LIPC: variants seen among roughly 807,000 people sequenced by gnomAD.
LIPC encodes the protein lipase C, hepatic type, also known as hepatic triacylglycerol lipase.
Under a neutral mutation model 50.7 loss-of-function variants are expected in LIPC, and 44 were observed. The observed-to-expected ratio is 0.87, with a 90% CI of 0.68 to 1.11. LIPC has a LOEUF of 1.11. Ranked by LOEUF, LIPC falls within the 50% of genes most tolerant of loss-of-function variation. The pLI, the probability that LIPC is intolerant of heterozygous loss-of-function variation, is 0.00. For missense variants in LIPC, 697 were observed against 648.2 expected (o/e 1.08, Z -0.82); for synonymous variants, 271 against 256.4 (o/e 1.06, Z -0.54).
At chr15:58,463,113 C>G (rs903292736) in intron 1 of LIPC, among the ~76,000 whole-genome samples, 1 of 152,224 alleles carries the variant, frequency 6.6e-6, no homozygotes, top group Non-Finnish European at 1.5e-5. Context: ...CAAGGGCCAG[C>G]TCCCCAGTGA....
At chr15:58,538,595 A>G in intron 2 of LIPC, 78 bp downstream of exon 2, 1 of 1,419,006 alleles carries the variant, frequency 7.0e-7, no homozygotes, top group Non-Finnish European at 1.0e-6. Flanking sequence ...CATGTTCATA[A>G]AAAGATAGGG....
intron 1 of LIPC, among the ~76,000 whole-genome samples, chr15:58,474,619 C>A (rs978876471): frequency 2.0e-5 from 3 of 152,098 alleles, no homozygotes; most frequent in Non-Finnish European, 2.9e-5. Flanking sequence ...GAAACAAGGT[C>A]TCCCCTACGT....
intron 1 of LIPC, among the ~76,000 whole-genome samples, chr15:58,457,893 C>A (rs1377325909): frequency 4.6e-5 from 7 of 152,200 alleles, no homozygotes; most frequent in Admixed American, 4.6e-4. Flanking sequence ...CTGATGCTGG[C>A]TCTGCAGGCA....
At chr15:58,497,564 C>G (rs1891816789) in intron 1 of LIPC, among the ~76,000 whole-genome samples, 1 of 151,986 alleles carries the variant, frequency 6.6e-6, no homozygotes, top group South Asian at 2.1e-4. Flanking sequence ...ATCTTCCTCC[C>G]TCCTGGAAGC....
At chr15:58,517,550 G>C (rs1321386382) in intron 1 of LIPC, among the ~76,000 whole-genome samples, 1 of 152,178 alleles carries the variant, frequency 6.6e-6, no homozygotes, top group African/African-American at 2.4e-5. Context: ...GAGAGCTGCA[G>C]GCTTAGAGAA....
intron 1 of LIPC, among the ~76,000 whole-genome samples, chr15:58,534,036 T>C (rs1474207133): frequency 1.3e-5 from 2 of 152,092 alleles, no homozygotes; most frequent in African/African-American, 2.4e-5. Context: ...GGTGACCCAG[T>C]AGAGAGGCAA....
At chr15:58,462,643 G>GC (rs1894393894) in intron 1 of LIPC, among the ~76,000 whole-genome samples, 1 of 152,156 alleles carries the variant, frequency 6.6e-6, no homozygotes, top group Admixed American at 6.5e-5. Context: ...AGGAACCAAA[G>GC]CCAGCACCTT....
intron 1 of LIPC, among the ~76,000 whole-genome samples, chr15:58,495,862 T>C (rs1268649287): frequency 6.6e-6 from 1 of 152,214 alleles, no homozygotes; most frequent in African/African-American, 2.4e-5. Flanking sequence ...ATGTTAAGCG[T>C]AGGGTCAAGC....
intron 1 of LIPC, among the ~76,000 whole-genome samples, chr15:58,507,946 T>A (rs1892207624): frequency 6.6e-6 from 1 of 152,102 alleles, no homozygotes; most frequent in Non-Finnish European, 1.5e-5. Context: ...ATGGACGAAG[T>A]CTGTTGGGAC....
Position 58,565,430 on chromosome 15 carries a change from G to C in LIPC, c.1388+1707G>C, listed in dbSNP as rs548624310. On this transcript the variant is annotated intron_variant, in intron 8 of 8. Transcript: ENST00000299022. ...CCACTGGGGCACACCCATGTGGTACGGAAGAAGAAATGAGGAGAGGGAGGG... is the reference window on the plus strand; with the variant it reads ...CCACTGGGGCACACCCATGTGGTACCGAAGAAGAAATGAGGAGAGGGAGGG... 4 of 1,430,412 alleles carry C rather than the reference G, an allele frequency of 2.8e-6. No individual in the cohort carries two copies. The Admixed American group carries it at 8.2e-5, about 29-fold the overall frequency. 88.6% of individuals were successfully genotyped at this position (1,430,412 alleles called of 1,614,324 possible).
intron 1 of LIPC, among the ~76,000 whole-genome samples, chr15:58,470,604 T>TC (rs1169825718): frequency 6.6e-6 from 1 of 151,376 alleles, no homozygotes; most frequent in African/African-American, 2.4e-5. Flanking sequence ...CTCCTTTTTT[T>TC]TTTTTTTTTG....
At chr15:58,447,249 A>T (rs1326147696) in intron 1 of LIPC, among the ~76,000 whole-genome samples, 1 of 151,432 alleles carries the variant, frequency 6.6e-6, no homozygotes, top group African/African-American at 2.4e-5. Context: ...CCAGAGACCC[A>T]GGTGACCTAG....
At chr15:58,471,994 G>C (rs993982998) in intron 1 of LIPC, among the ~76,000 whole-genome samples, 1 of 152,310 alleles carries the variant, frequency 6.6e-6, no homozygotes, top group South Asian at 2.1e-4. Context: ...ATCAGGCCAA[G>C]TGTGGTGGCT....
In LIPC at chr15:58,545,830, T is replaced by C; in HGVS notation, c.663T>C (p.His221=). Residue 221 remains histidine, a synonymous_variant, in exon 5 of 9, where the codon CAT becomes CAC. Coordinates refer to ENST00000299022, the MANE Select transcript of LIPC (RefSeq NM_000236.3). ...PDDANFVDAI[H]TFTREHMGLS... Reference sequence around the variant, plus strand: ...ATGCCAATTTTGTGGATGCCATTCATACCTTTACCCGGGAGCACATGGGCC... The same window carrying C: ...ATGCCAATTTTGTGGATGCCATTCACACCTTTACCCGGGAGCACATGGGCC... The C allele has an allele frequency of 6.2e-7, 1 of 1,614,232 alleles. No individual in the cohort carries two copies.
In LIPC at chr15:58,520,924, A is replaced by C. The variant is rs550344612; in HGVS notation, c.89-17409A>C. On this transcript the variant is annotated intron_variant, in intron 1 of 8. Coordinates refer to ENST00000299022, the MANE Select transcript of LIPC (RefSeq NM_000236.3). ...CAAAATAAATGAGGAATTCTAGAAA[A>C]GGAAGGGAGGAGGGAGAAGGACACT... Among the ~76,000 whole-genome samples the C allele has an allele frequency of 2.0e-5, 3 of 152,338 alleles. No individual in the cohort carries two copies. The South Asian group carries it at 6.2e-4, about 32-fold the overall frequency.
chr15:58,479,796 C>G (rs139573790), intron 1 of LIPC, among the ~76,000 whole-genome samples: 238 of 152,284 alleles, frequency 1.6e-3, no homozygotes, highest in African/African-American at 5.5e-3. Flanking sequence ...TACATTTCTC[C>G]AATACCTTCA....
intron 1 of LIPC, among the ~76,000 whole-genome samples, chr15:58,482,687 G>A (rs1397830548): frequency 1.3e-5 from 2 of 152,140 alleles, no homozygotes; most frequent in African/African-American, 4.8e-5. Flanking sequence ...AAGACCCCTG[G>A]ATGTCCCCCT....
chr15:58,487,489 G>A (rs1244126450), intron 1 of LIPC, among the ~76,000 whole-genome samples: 1 of 152,228 alleles, frequency 6.6e-6, no homozygotes, highest in African/African-American at 2.4e-5. Flanking sequence ...CCACCAGGTT[G>A]CTGAAGCAAT....
At chr15:58,500,777 T>C (rs1426819290) in intron 1 of LIPC, among the ~76,000 whole-genome samples, 4 of 109,446 alleles carry the variant, frequency 3.7e-5, no homozygotes, top group Non-Finnish European at 7.0e-5. Flanking sequence ...TTCTCATCCT[T>C]TTTGACACTT....
Sources: allele counts gnomAD v4.1 joint callset (sites outside exome capture counted in the v4.1 genomes callset), GRCh38; gene constraint gnomAD v4.1.1; transcripts MANE v1.5; gene names NCBI Gene and HGNC (gene_info 2026-07-23, HGNC 2026-07-21).